The following THSD4 variants were observed in gnomAD, a reference collection of about 807,000 sequenced individuals.
The protein encoded by THSD4 is thrombospondin type-1 domain-containing protein 4.
In THSD4, 69 loss-of-function variants were observed where a neutral mutation model predicts 119.0. The ratio of observed to expected loss-of-function variants is 0.58; its 90% CI spans 0.48 to 0.71. The LOEUF (loss-of-function observed/expected upper bound fraction) is 0.71, where lower values mean the gene tolerates loss of function less well. Among genes scored for constraint, THSD4 ranks in the 30% least tolerant of loss-of-function variants. The pLI is 0.00. For missense variants in THSD4, 1,393 were observed against 1,391.1 expected (o/e 1.00, Z -0.02); for synonymous variants, 524 against 540.4 (o/e 0.97, Z 0.42).
intron 15 of THSD4, among the ~76,000 whole-genome samples, chr15:71,762,629 C>T (rs976925260): frequency 1.3e-5 from 2 of 152,226 alleles, no homozygotes; most frequent in African/African-American, 4.8e-5. Context: ...GAGGCCAGAC[C>T]TTTGCCTGCT....
chr15:71,355,903 T>C (rs544877994), intron 6 of THSD4, among the ~76,000 whole-genome samples: 2 of 152,254 alleles, frequency 1.3e-5, no homozygotes. Flanking sequence ...AGTCTCACTT[T>C]GTTGCCCAGG....
intron 8 of THSD4, among the ~76,000 whole-genome samples, chr15:71,724,280 TATATA>T (rs781281719): frequency 0.037 from 1,448 of 39,236 alleles, 78 homozygotes; most frequent in African/African-American, 0.08. Context: ...TATATATATA[TATATA>T]TATTTTTTTT....
intron 1 of THSD4, among the ~76,000 whole-genome samples, chr15:71,131,989 A>G (rs1456371965): frequency 6.6e-6 from 1 of 152,248 alleles, no homozygotes; most frequent in Admixed American, 6.5e-5. Context: ...TGACTTGAGC[A>G]AAAATCCTTT....
chr15:71,776,110 AT>A (rs1422439453), intron 17 of THSD4, among the ~76,000 whole-genome samples: 2 of 152,242 alleles, frequency 1.3e-5, no homozygotes, highest in Non-Finnish European at 2.9e-5. Flanking sequence ...TGAAAAGAAC[AT>A]TTTAAAACTT....
chr15:71,532,279 A>AGAGAGAGAGAGAGAGAGAGG lies in THSD4; in HGVS notation c.1152+120461_1152+120462insAGAGAGAGAGAGAGGGAGAG, dbSNP rs2048621174. Among the ~76,000 whole-genome samples, 3 of 119,998 alleles carry AGAGAGAGAGAGAGAGAGAGG rather than the reference A, an allele frequency of 2.5e-5. No homozygotes were observed. In the South Asian group the frequency reaches 9.0e-4, roughly 36 times the overall value. The allele number at this position is 119,998 out of a possible 152,430, so 78.7% of individuals were successfully genotyped here. A position where few individuals can be genotyped will look rare whatever the true frequency, so the allele number is the denominator to read the frequency against. ...AACAAAGGGTGAGAGAGAGAGAGAGAGAGAGTGTGTGTGTGTGTGTGTGTG... is the reference window on the plus strand; with the variant it reads ...AACAAAGGGTGAGAGAGAGAGAGAGAGAGAGAGAGAGAGAGAGAGGGAGAGTGTGTGTGTGTGTGTGTGTG... On this transcript the variant is annotated intron_variant, in intron 7 of 17. Transcript: ENST00000261862.
In THSD4 at chr15:71,778,305, A is replaced by T. The variant is rs1595942866; in HGVS notation, c.*931A>T. 6.6e-6 allele frequency: 1 copy of T among 152,140 alleles called. No individual in the cohort carries two copies. Among genetic ancestry groups the T allele is most frequent in the African/African-American group, 2.4e-5 (1 of 41,392 alleles). 9.4% of individuals were successfully genotyped at this position (152,140 alleles called of 1,614,324 possible). A position where few individuals can be genotyped will look rare whatever the true frequency, so the allele number is the denominator to read the frequency against. On this transcript the variant is annotated 3_prime_UTR_variant, in exon 18 of 18. Transcript: ENST00000261862. The stretch of plus-strand genomic sequence containing the variant: ...CTGTTCCTACTTGCCCTTACCCCCA[A>T]AGTTACAGATCCTAGTTACAGGACT...
At chr15:71,521,929 G>A (rs28482054) in intron 7 of THSD4, among the ~76,000 whole-genome samples, 8,099 of 152,262 alleles carry the variant, frequency 0.053, 700 homozygotes, top group African/African-American at 0.18. Flanking sequence ...AATTGGTGGT[G>A]AGGGGCAAAT....
Position 71,215,225 on chromosome 15 carries a change from C to A in THSD4, c.290C>A (p.Ala97Glu). The change falls in exon 4 of 18, where the codon GCG (alanine) becomes GAG (glutamate). Residue 97 changes from alanine (A) to glutamate (E), a missense_variant. By Grantham distance (107) the Ala-to-Glu change is moderately radical (BLOSUM62 -1). Transcript: ENST00000261862. The part of the protein sequence containing the change: ...LRGGQRPGAP[A>E]RAFADHVVSA... ...GGCGGCCAGCGGCCTGGCGCCCCTGCGCGCGCCTTCGCGGACCACGTGGTG... is the reference window on the plus strand; with the variant it reads ...GGCGGCCAGCGGCCTGGCGCCCCTGAGCGCGCCTTCGCGGACCACGTGGTG... 5 of 1,410,260 alleles carry A rather than the reference C, an allele frequency of 3.5e-6. No individual in the cohort carries two copies. The highest frequency in any genetic ancestry group is 4.6e-6 in the Non-Finnish European group (5 of 1,088,510). The allele number at this position is 1,410,260 out of a possible 1,614,324, so 87.4% of individuals were successfully genotyped here.
chr15:71,396,263 G>A (rs78658947), intron 6 of THSD4, among the ~76,000 whole-genome samples: 2 of 151,048 alleles, frequency 1.3e-5, no homozygotes, highest in East Asian at 3.9e-4. Flanking sequence ...ATACACATAT[G>A]CATGTACACA....
At chr15:71,755,073 C>T (rs1205363579) in intron 14 of THSD4, among the ~76,000 whole-genome samples, 1 of 152,238 alleles carries the variant, frequency 6.6e-6, no homozygotes, top group Non-Finnish European at 1.5e-5. Context: ...ACTGGGAGGG[C>T]ACCCTTCTCA....
In THSD4 at chr15:71,471,132, G is replaced by A. The variant is rs375282945; in HGVS notation, c.1152+59309G>A. On this transcript the variant is annotated intron_variant, in intron 7 of 17. Transcript: ENST00000261862. ...GTTCCTGCACATTCCTGTGCTGTGG[G>A]CCTCAGGACTTTGCTGCTCTCCTCC... Among the ~76,000 whole-genome samples, 7 of 152,288 alleles carry A rather than the reference G, an allele frequency of 4.6e-5. No homozygotes were observed. In the South Asian group the frequency reaches 1.5e-3, roughly 32 times the overall value.
intron 7 of THSD4, among the ~76,000 whole-genome samples, chr15:71,611,852 C>T (rs1266413349): frequency 6.8e-6 from 1 of 146,800 alleles, no homozygotes; most frequent in Admixed American, 7.0e-5. Context: ...TCTGAAATGC[C>T]TGGATCCCTG....
intron 7 of THSD4, among the ~76,000 whole-genome samples, chr15:71,533,703 A>G (rs2048648643): frequency 6.6e-6 from 1 of 152,140 alleles, no homozygotes; most frequent in Admixed American, 6.5e-5. Context: ...CCACCTGACT[A>G]GTAGGAGAAA....
At chr15:71,354,951 G>A (rs943485499) in intron 6 of THSD4, among the ~76,000 whole-genome samples, 2 of 152,176 alleles carry the variant, frequency 1.3e-5, no homozygotes, top group Non-Finnish European at 2.9e-5. Flanking sequence ...TCCTGTGCCT[G>A]TACTTACGTT....
chr15:71,744,284 C>T lies in THSD4; in HGVS notation c.1907-822C>T, dbSNP rs574956777. Among the ~76,000 whole-genome samples the T allele has an allele frequency of 1.8e-4, 27 of 151,072 alleles. No individual in the cohort carries two copies. In the South Asian group the frequency reaches 5.7e-3, roughly 32 times the overall value. The stretch of plus-strand genomic sequence containing the variant: ...AAAACCTAAAACAGTTATAAACATT[C>T]ATTCAACACCATTCAAACATTCATT... On this transcript the variant is annotated intron_variant, in intron 11 of 17. Coordinates refer to ENST00000261862, the MANE Select transcript of THSD4 (RefSeq NM_024817.3).
At chr15:71,680,822 T>G (rs186513675) in intron 8 of THSD4, among the ~76,000 whole-genome samples, 3 of 152,298 alleles carry the variant, frequency 2.0e-5, no homozygotes, top group Admixed American at 2.0e-4. Flanking sequence ...ATAGGGTTAT[T>G]GGGAAGGTTA....
At chr15:71,385,208 C>T (rs2046280473) in intron 6 of THSD4, among the ~76,000 whole-genome samples, 1 of 152,092 alleles carries the variant, frequency 6.6e-6, no homozygotes, top group Non-Finnish European at 1.5e-5. Context: ...TAGGAGAGCT[C>T]TAGACACAAC....
At chr15:71,103,453 G>A (rs964778312) in intron 1 of THSD4, among the ~76,000 whole-genome samples, 6 of 152,082 alleles carry the variant, frequency 3.9e-5, no homozygotes, top group Admixed American at 1.3e-4. Flanking sequence ...CCTACTCTCC[G>A]TGATCTCCCC....
intron 3 of THSD4, among the ~76,000 whole-genome samples, chr15:71,180,155 TTA>T (rs1491527656): frequency 3.5e-4 from 11 of 31,620 alleles, no homozygotes; most frequent in African/African-American, 5.9e-4. Flanking sequence ...AAAAAAAACA[TTA>T]AAAAAAAAAA....
Sources: gnomAD v4.1 joint callset for allele counts (sites outside exome capture counted in the v4.1 genomes callset) on GRCh38, gnomAD v4.1.1 for gene constraint, MANE v1.5 for transcripts, NCBI Gene and HGNC (gene_info 2026-07-23, HGNC 2026-07-21) for gene names.